Variants in ZNF804A observed in about 807,000 individuals in gnomAD.
ZNF804A encodes the protein zinc finger protein 804A.
A neutral mutation model predicts 16.5 loss-of-function variants in ZNF804A; 2 were observed. That is an observed-to-expected ratio of 0.12 (90% confidence interval 0.05 to 0.38). The LOEUF (loss-of-function observed/expected upper bound fraction) is 0.38, where lower values mean the gene tolerates loss of function less well. Ranked by LOEUF, ZNF804A falls within the 10% of genes least tolerant of loss-of-function variation. The pLI, the probability that ZNF804A is intolerant of heterozygous loss-of-function variation, is 0.99. For missense variants in ZNF804A, 1,473 were observed against 1,390.7 expected (o/e 1.06, Z -0.94); for synonymous variants, 534 against 489.6 (o/e 1.09, Z -1.20).
intron 2 of ZNF804A, among the ~76,000 whole-genome samples, chr2:184,906,168 G>A (rs938465910): frequency 6.6e-6 from 1 of 152,120 alleles, no homozygotes; most frequent in Admixed American, 6.5e-5. Context: ...TTCTCTAAAG[G>A]ATTCATAAAA....
At chr2:184,684,791 A>C (rs1692601267) in intron 1 of ZNF804A, among the ~76,000 whole-genome samples, 1 of 152,100 alleles carries the variant, frequency 6.6e-6, no homozygotes, top group African/African-American at 2.4e-5. Context: ...TCCCACTTAT[A>C]AGTGAGAATG....
Position 184,938,296 on chromosome 2 carries a change from A to G in ZNF804A, c.2900A>G (p.Lys967Arg). The part of the protein sequence containing the change: ...IERNFRQSQP[K>R]SYLCHYELAE... ...AGGAACTTTAGACAGTCACAGCCTA[A>G]ATCCTATCTTTGCCATTATGAACTG... is the stretch of plus-strand genomic sequence containing the variant. The change falls in exon 4 of 4, where the codon AAA becomes AGA. Residue 967 changes from lysine (K) to arginine (R), a missense_variant. Physicochemically the swap from Lys to Arg is conservative, Grantham distance 26 (BLOSUM62 2). Coordinates refer to ENST00000302277, the MANE Select transcript of ZNF804A (RefSeq NM_194250.2). The G allele has an allele frequency of 6.2e-7, 1 of 1,614,138 alleles. No individual in the cohort carries two copies. Among genetic ancestry groups the G allele is most frequent in the African/African-American group, 1.3e-5 (1 of 75,042 alleles).
intron 1 of ZNF804A, among the ~76,000 whole-genome samples, chr2:184,787,628 G>C (rs890882015): frequency 6.6e-6 from 1 of 151,708 alleles, no homozygotes; most frequent in African/African-American, 2.4e-5. Flanking sequence ...TTCTTTATGT[G>C]TTTCGTTGGC....
chr2:184,809,263 T>A (rs1293445486), intron 1 of ZNF804A, among the ~76,000 whole-genome samples: 1 of 151,784 alleles, frequency 6.6e-6, no homozygotes, highest in Non-Finnish European at 1.5e-5. Context: ...ATTTTTATTT[T>A]ATTTGAAAAT....
chr2:184,931,750 G>A (rs894540864), intron 2 of ZNF804A, among the ~76,000 whole-genome samples: 1 of 152,262 alleles, frequency 6.6e-6, no homozygotes, highest in East Asian at 1.9e-4. Context: ...TTTCTCCTCA[G>A]AAAATGGGTT....
At chr2:184,723,170 T>G (rs1397049693) in intron 1 of ZNF804A, among the ~76,000 whole-genome samples, 2 of 151,872 alleles carry the variant, frequency 1.3e-5, no homozygotes, top group Admixed American at 6.6e-5. Flanking sequence ...GTATATTCCT[T>G]TTTCATTTAA....
intron 1 of ZNF804A, among the ~76,000 whole-genome samples, chr2:184,694,073 T>G (rs1246562893): frequency 6.6e-6 from 1 of 151,612 alleles, no homozygotes. Flanking sequence ...GGATTACAGG[T>G]GTGTGTGACC....
chr2:184,797,446 A>C (rs1007703200), intron 1 of ZNF804A, among the ~76,000 whole-genome samples: 1 of 151,950 alleles, frequency 6.6e-6, no homozygotes, highest in Non-Finnish European at 1.5e-5. Flanking sequence ...AAGAATAGCT[A>C]CCCCTGCTTG....
At chr2:184,924,572 T>A (rs549306580) in intron 2 of ZNF804A, among the ~76,000 whole-genome samples, 1 of 151,690 alleles carries the variant, frequency 6.6e-6, no homozygotes, top group Non-Finnish European at 1.5e-5. Flanking sequence ...TCCACTCTAA[T>A]CTTTATTTTT....
chr2:184,624,100 G>A (rs965794067), intron 1 of ZNF804A, among the ~76,000 whole-genome samples: 1 of 152,026 alleles, frequency 6.6e-6, no homozygotes, highest in African/African-American at 2.4e-5. Context: ...AAATAGTGCT[G>A]GCCCATTAAT....
chr2:184,813,736 C>T (rs889936170), intron 1 of ZNF804A, among the ~76,000 whole-genome samples: 5 of 152,008 alleles, frequency 3.3e-5, no homozygotes, highest in African/African-American at 1.2e-4. Context: ...GTGCCTGCCA[C>T]TACAGGTCTA....
intron 1 of ZNF804A, among the ~76,000 whole-genome samples, chr2:184,826,886 C>T (rs1187443152): frequency 6.6e-6 from 1 of 151,938 alleles, no homozygotes; most frequent in African/African-American, 2.4e-5. Context: ...AGTTAAGTCC[C>T]CATTGTCAAC....
chr2:184,740,396 A>C (rs1407907096), intron 1 of ZNF804A, among the ~76,000 whole-genome samples: 1 of 152,238 alleles, frequency 6.6e-6, no homozygotes, highest in Non-Finnish European at 1.5e-5. Flanking sequence ...CGGTGCTTAC[A>C]TAATATGCTT....
At chr2:184,816,999 A>T (rs1172521588) in intron 1 of ZNF804A, among the ~76,000 whole-genome samples, 1 of 152,008 alleles carries the variant, frequency 6.6e-6, no homozygotes, top group Non-Finnish European at 1.5e-5. Context: ...TTAGCAGATC[A>T]GTACGTTATT....
chr2:184,747,683 T>A (rs1693810955), intron 1 of ZNF804A, among the ~76,000 whole-genome samples: 1 of 151,366 alleles, frequency 6.6e-6, no homozygotes, highest in African/African-American at 2.4e-5. Flanking sequence ...TTTTAATTTT[T>A]TTTTTAATTT....
At chr2:184,702,205 T>G (rs1436847564) in intron 1 of ZNF804A, among the ~76,000 whole-genome samples, 1 of 152,074 alleles carries the variant, frequency 6.6e-6, no homozygotes, top group Non-Finnish European at 1.5e-5. Context: ...AATAATTGCA[T>G]AGTCACAACC....
chr2:184,648,081 C>G (rs1691912548), intron 1 of ZNF804A, among the ~76,000 whole-genome samples: 1 of 151,984 alleles, frequency 6.6e-6, no homozygotes, highest in Non-Finnish European at 1.5e-5. Context: ...TGCACATGTC[C>G]CCTAGAAGTT....
chr2:184,759,999 T>G (rs1694018155), intron 1 of ZNF804A, among the ~76,000 whole-genome samples: 1 of 152,130 alleles, frequency 6.6e-6, no homozygotes, highest in South Asian at 2.1e-4. Flanking sequence ...GGTGGTCTCT[T>G]CATAGGGACG....
intron 1 of ZNF804A, among the ~76,000 whole-genome samples, chr2:184,634,640 T>G (rs891007943): frequency 6.6e-6 from 1 of 152,136 alleles, no homozygotes; most frequent in Non-Finnish European, 1.5e-5. Flanking sequence ...AGAAAAACAT[T>G]GCAGTTGGCC....
Sources: allele counts gnomAD v4.1 joint callset (sites outside exome capture counted in the v4.1 genomes callset), GRCh38; gene constraint gnomAD v4.1.1; transcripts MANE v1.5; gene names NCBI Gene and HGNC (gene_info 2026-07-23, HGNC 2026-07-21).